Variants in HNMT observed in about 807,000 individuals in gnomAD.
The protein encoded by HNMT is histamine N-methyltransferase.
A neutral mutation model predicts 32.1 loss-of-function variants in HNMT; 30 were observed. The observed-to-expected ratio is 0.93, with a 90% CI of 0.70 to 1.27. The LOEUF is 1.27. Ranked by LOEUF, HNMT falls within the 50% of genes most tolerant of loss-of-function variation. The probability of loss-of-function intolerance (pLI) is 0.00; values close to 1 mark genes in which losing one functional copy is unlikely to be tolerated. For synonymous variants in HNMT, 125 were observed against 119.0 expected (o/e 1.05, Z -0.33); for missense variants, 327 against 346.0 (o/e 0.95, Z 0.43).
At chr2:137,979,592 AT>A in intron 2 of HNMT, among the ~76,000 whole-genome samples, 1 of 152,182 alleles carries the variant, frequency 6.6e-6, no homozygotes, top group South Asian at 2.1e-4. Context: ...AAGATTAATA[AT>A]TAAATGAATT....
intron 2 of HNMT, among the ~76,000 whole-genome samples, chr2:138,000,475 G>T (rs1007760755): frequency 2.7e-5 from 4 of 147,100 alleles, no homozygotes; most frequent in African/African-American, 1.0e-4. Flanking sequence ...ACATTTTTTT[G>T]TACTCTTCTG....
chr2:137,986,613 T>C (rs1270738324), intron 2 of HNMT, among the ~76,000 whole-genome samples: 2 of 152,176 alleles, frequency 1.3e-5, no homozygotes, highest in Non-Finnish European at 2.9e-5. Context: ...TATCCAAATG[T>C]CTGAGCACTC....
At position 138,016,069 on chromosome 2, in the gene HNMT, T is replaced by TG. The variant is rs1681654715; in HGVS notation, c.*1940dup. On this transcript the variant is annotated 3_prime_UTR_variant, in exon 6 of 6. Coordinates refer to ENST00000280097, the MANE Select transcript of HNMT (RefSeq NM_006895.3). Reference sequence around the variant, plus strand: ...GATAAACCTATCCCTGTTTTCTTCCTGCACTGTATGATAATACCAAAATTT... The same window carrying TG: ...GATAAACCTATCCCTGTTTTCTTCCTGGCACTGTATGATAATACCAAAATTT... 1 of 152,146 alleles carries TG rather than the reference T, an allele frequency of 6.6e-6. No individual in the cohort carries two copies. The highest frequency in any genetic ancestry group is 2.4e-5 in the African/African-American group (1 of 41,436). The allele number at this position is 152,146 out of a possible 1,614,324, so 9.4% of individuals were successfully genotyped here. A position where few individuals can be genotyped will look rare whatever the true frequency, so the allele number is the denominator to read the frequency against.
chr2:138,003,612 T>C (rs1681247299), intron 4 of HNMT, among the ~76,000 whole-genome samples: 2 of 152,038 alleles, frequency 1.3e-5, no homozygotes, highest in African/African-American at 4.8e-5. Flanking sequence ...TTGTTCCCAC[T>C]TCCTCACATA....
intron 2 of HNMT, chr2:137,981,129 A>C: frequency 1.4e-6 from 2 of 1,418,610 alleles, no homozygotes; most frequent in Non-Finnish European, 1.9e-6. Flanking sequence ...ATATATTTTG[A>C]TATGAGAAAA....
Position 137,977,205 on chromosome 2 carries a change from C to T in HNMT, c.190+6988C>T, listed in dbSNP as rs184232117. On this transcript the variant is annotated intron_variant, in intron 2 of 5. Transcript: ENST00000280097. ...TTAACGTTTGAGTGTTTTCCATTCCCAATTTTGATTATTTACAATCTACAT... is the reference window on the plus strand; with the variant it reads ...TTAACGTTTGAGTGTTTTCCATTCCTAATTTTGATTATTTACAATCTACAT... Among the ~76,000 whole-genome samples the T allele has an allele frequency of 4.6e-5, 7 of 152,174 alleles. No individual in the cohort carries two copies. In the East Asian group the frequency reaches 1.3e-3, roughly 29 times the overall value.
At chr2:137,974,543 C>T (rs571658312) in intron 2 of HNMT, among the ~76,000 whole-genome samples, 1 of 152,216 alleles carries the variant, frequency 6.6e-6, no homozygotes, top group Admixed American at 6.5e-5. Flanking sequence ...TACCTGAAAA[C>T]ATGTTCCAGA....
At chr2:138,012,913 A>C (rs1008592521) in intron 5 of HNMT, among the ~76,000 whole-genome samples, 1 of 151,582 alleles carries the variant, frequency 6.6e-6, no homozygotes, top group Admixed American at 6.6e-5. Context: ...CCTATCCCCC[A>C]GGTGATTACA....
chr2:137,999,894 C>T (rs1023261084), intron 2 of HNMT, among the ~76,000 whole-genome samples: 2 of 141,084 alleles, frequency 1.4e-5, no homozygotes, highest in African/African-American at 5.3e-5. Flanking sequence ...AAATTAAGTA[C>T]TATTATTATT....
intron 2 of HNMT, among the ~76,000 whole-genome samples, chr2:137,989,255 G>C (rs1431739028): frequency 2.0e-5 from 3 of 152,216 alleles, no homozygotes; most frequent in Admixed American, 2.0e-4. Flanking sequence ...TCAGCCCCTG[G>C]CAACCACTGA....
chr2:138,001,956 T>C (rs950240429), intron 3 of HNMT, 108 bp from the exon 4 acceptor site: 3 of 811,074 alleles, frequency 3.7e-6, no homozygotes, highest in Non-Finnish European at 5.3e-6. Context: ...AAAAACGTTC[T>C]TTCTATCTGT....
At chr2:137,989,190 G>A (rs1366664652) in intron 2 of HNMT, among the ~76,000 whole-genome samples, 4 of 152,126 alleles carry the variant, frequency 2.6e-5, no homozygotes, top group Non-Finnish European at 5.9e-5. Context: ...GTATTATACA[G>A]AGTAGTTTTA....
intron 2 of HNMT, among the ~76,000 whole-genome samples, chr2:138,000,283 C>G (rs1681124126): frequency 6.6e-6 from 1 of 152,128 alleles, no homozygotes; most frequent in Non-Finnish European, 1.5e-5. Context: ...GAAGCATCAT[C>G]ACTCTGGCAT....
At position 138,014,259 on chromosome 2, in the gene HNMT, A is replaced by G. The variant is rs1681599068; in HGVS notation, c.*129A>G. 3 of 635,066 alleles carry G rather than the reference A, an allele frequency of 4.7e-6. No homozygotes were observed. Among genetic ancestry groups the G allele is most frequent in the Non-Finnish European group, 8.1e-6 (3 of 372,048 alleles). 39.3% of individuals were successfully genotyped at this position (635,066 alleles called of 1,614,324 possible). A position where few individuals can be genotyped will look rare whatever the true frequency, so the allele number is the denominator to read the frequency against. Reference sequence around the variant, plus strand: ...GCACTGTTTGGATATGAGATGTAGCAAATTCCAATACATTATTGGACTTCC... The same window carrying G: ...GCACTGTTTGGATATGAGATGTAGCGAATTCCAATACATTATTGGACTTCC... On this transcript the variant is annotated 3_prime_UTR_variant, in exon 6 of 6. Coordinates refer to ENST00000280097, the MANE Select transcript of HNMT (RefSeq NM_006895.3).
intron 5 of HNMT, among the ~76,000 whole-genome samples, chr2:138,006,592 A>G (rs563883663): frequency 1.3e-5 from 2 of 152,150 alleles, no homozygotes; most frequent in South Asian, 4.1e-4. Flanking sequence ...CTGAGAACTG[A>G]TTAAGTGCCC....
At position 138,013,770 on chromosome 2, in the gene HNMT, C is replaced by A; in HGVS notation, c.524-5C>A. ...TGAAAGCATGACTTGTGTTTTATTG[C>A]ACAGGAAGCAGTGGCTGGGACAAGC... On this transcript the variant is annotated splice_region_variant and splice_polypyrimidine_tract_variant and intron_variant, in intron 5 of 5. Transcript: ENST00000280097. The A allele has an allele frequency of 1.2e-6, 2 of 1,605,158 alleles. No homozygotes were observed. The highest frequency in any genetic ancestry group is 1.7e-6 in the Non-Finnish European group (2 of 1,173,504).
At chr2:138,004,784 A>G (rs1462917453) in intron 4 of HNMT, among the ~76,000 whole-genome samples, 2 of 152,062 alleles carry the variant, frequency 1.3e-5, no homozygotes, top group Non-Finnish European at 2.9e-5. Context: ...CTCCCAGAAG[A>G]ACTGCAATTC....
chr2:138,003,413 C>A (rs1681241845), intron 4 of HNMT, among the ~76,000 whole-genome samples: 1 of 152,076 alleles, frequency 6.6e-6, no homozygotes, highest in Admixed American at 6.6e-5. Context: ...CACTATTTTT[C>A]TTCCTGGTCT....
chr2:138,000,860 T>C, intron 2 of HNMT, 58 bp from the exon 3 acceptor site: 1 of 905,322 alleles, frequency 1.1e-6, no homozygotes, highest in Non-Finnish European at 1.7e-6. Flanking sequence ...CAGCTAAAAT[T>C]GTTTTTAATC....
Sources: allele counts gnomAD v4.1 joint callset (sites outside exome capture counted in the v4.1 genomes callset), GRCh38; gene constraint gnomAD v4.1.1; transcripts MANE v1.5; gene names NCBI Gene and HGNC (gene_info 2026-07-23, HGNC 2026-07-21).